Variants in POU2F1 observed in about 807,000 individuals in gnomAD.
POU2F1 encodes the protein POU domain, class 2, transcription factor 1.
POU2F1 carries 16 observed loss-of-function variants against 84.9 expected under a neutral mutation model. The observed-to-expected ratio is 0.19, with a 90% CI of 0.13 to 0.29. The LOEUF (loss-of-function observed/expected upper bound fraction) is 0.29, where lower values mean the gene tolerates loss of function less well. Among genes scored for constraint, POU2F1 ranks in the 10% least tolerant of loss-of-function variants. The probability of loss-of-function intolerance (pLI) is 1.00; values close to 1 mark genes in which losing one functional copy is unlikely to be tolerated. For missense variants in POU2F1, 738 were observed against 942.6 expected (o/e 0.78, Z 2.84); for synonymous variants, 368 against 368.3 (o/e 1.00, Z 0.01).
intron 1 of POU2F1, among the ~76,000 whole-genome samples, chr1:167,275,985 G>A (rs951965371): frequency 5.9e-5 from 9 of 152,146 alleles, no homozygotes; most frequent in South Asian, 2.1e-4. Context: ...AGCAGTTAGC[G>A]ATCTAAGAAC....
At chr1:167,403,434 GAGA>G (rs1159300256) in intron 13 of POU2F1, among the ~76,000 whole-genome samples, 1 of 152,218 alleles carries the variant, frequency 6.6e-6, no homozygotes, top group Non-Finnish European at 1.5e-5. Context: ...CTCCTTGAAA[GAGA>G]AGAAGAGTCA....
intron 1 of POU2F1, among the ~76,000 whole-genome samples, chr1:167,285,476 C>T (rs1198102655): frequency 6.6e-6 from 1 of 152,006 alleles, no homozygotes; most frequent in East Asian, 1.9e-4. Flanking sequence ...CCTGTAGTCC[C>T]AGCTACTTGG....
intron 10 of POU2F1, among the ~76,000 whole-genome samples, chr1:167,397,128 C>T (rs771442085): frequency 6.6e-6 from 1 of 152,220 alleles, no homozygotes; most frequent in Non-Finnish European, 1.5e-5. Flanking sequence ...CACTGGTTTA[C>T]TGTTTCCATC....
chr1:167,386,382 C>G (rs924056524), intron 8 of POU2F1, among the ~76,000 whole-genome samples: 1 of 152,130 alleles, frequency 6.6e-6, no homozygotes. Context: ...GATGGGGTTT[C>G]GCCATGTTGC....
chr1:167,337,876 T>G (rs1027549979), intron 2 of POU2F1: 39 of 317,478 alleles, frequency 1.2e-4, no homozygotes, highest in Admixed American at 4.3e-4. Context: ...AGGAATAGGC[T>G]AACAGTACTG....
At chr1:167,382,473 T>G (rs1647634611) in intron 7 of POU2F1, among the ~76,000 whole-genome samples, 1 of 152,108 alleles carries the variant, frequency 6.6e-6, no homozygotes, top group Admixed American at 6.6e-5. Context: ...TGGTAGAAGT[T>G]GAGATACGAT....
chr1:167,393,199 T>C (rs1648551367), intron 9 of POU2F1, among the ~76,000 whole-genome samples: 1 of 152,174 alleles, frequency 6.6e-6, no homozygotes, highest in Non-Finnish European at 1.5e-5. Context: ...ACTTAAAACA[T>C]TTACTTTTGT....
chr1:167,373,197 A>G (rs901587411), intron 5 of POU2F1, among the ~76,000 whole-genome samples: 1 of 152,220 alleles, frequency 6.6e-6, no homozygotes, highest in African/African-American at 2.4e-5. Flanking sequence ...TTGTGGCACT[A>G]AGTGACTGTA....
Position 167,417,464 on chromosome 1 carries a change from GA to G in POU2F1, c.*1656del, listed in dbSNP as rs1236730180. 6.6e-6 allele frequency: 1 copy of G among 152,228 alleles called. No homozygotes were observed. Among genetic ancestry groups the G allele is most frequent in the Non-Finnish European group, 1.5e-5 (1 of 68,032 alleles). 9.4% of individuals were successfully genotyped at this position (152,228 alleles called of 1,614,324 possible). On this transcript the variant is annotated 3_prime_UTR_variant, in exon 16 of 16. Transcript: ENST00000367866. ...AAAGGAAGAGTTTGTGAAAGTGGATGAAGAGGAATAAGGGTAACTTGGAGAT... is the reference window on the plus strand; with the variant it reads ...AAAGGAAGAGTTTGTGAAAGTGGATGAGAGGAATAAGGGTAACTTGGAGAT...
chr1:167,314,397 G>A (rs147378157), intron 1 of POU2F1, among the ~76,000 whole-genome samples: 1 of 152,332 alleles, frequency 6.6e-6, no homozygotes, highest in African/African-American at 2.4e-5. Flanking sequence ...CCAAATGCTA[G>A]TAGATTTGGA....
At chr1:167,290,946 T>C (rs1424830375) in intron 1 of POU2F1, among the ~76,000 whole-genome samples, 1 of 149,814 alleles carries the variant, frequency 6.7e-6, no homozygotes, top group African/African-American at 2.5e-5. Context: ...CTGGGGAGGC[T>C]AAGGCAGGAG....
At chr1:167,353,303 C>T (rs1571352167) in intron 2 of POU2F1, among the ~76,000 whole-genome samples, 1 of 151,084 alleles carries the variant, frequency 6.6e-6, no homozygotes. Flanking sequence ...GCCTCACCAC[C>T]TCCCTCTTCA....
chr1:167,268,779 C>T (rs1384675793), intron 1 of POU2F1, among the ~76,000 whole-genome samples: 1 of 152,074 alleles, frequency 6.6e-6, no homozygotes, highest in Non-Finnish European at 1.5e-5. Context: ...GTAGTAAAAC[C>T]TCACAAGAAG....
intron 1 of POU2F1, among the ~76,000 whole-genome samples, chr1:167,308,171 A>G (rs1466466471): frequency 6.6e-6 from 1 of 151,610 alleles, no homozygotes; most frequent in Non-Finnish European, 1.5e-5. Context: ...GGTTCAAGCA[A>G]TTCTCCTGTC....
chr1:167,384,021 AT>A (rs35617253), intron 8 of POU2F1, 70 bp downstream of exon 8: 805,156 of 1,144,612 alleles, frequency 0.7, 285,258 homozygotes, highest in East Asian at 0.88. Context: ...ACTTTATTTA[AT>A]TTTTTTTTTA....
intron 2 of POU2F1, among the ~76,000 whole-genome samples, chr1:167,351,900 T>C (rs1360904825): frequency 6.6e-6 from 1 of 152,146 alleles, no homozygotes; most frequent in African/African-American, 2.4e-5. Flanking sequence ...TTAATGTTCA[T>C]AGGATATAGA....
intron 1 of POU2F1, among the ~76,000 whole-genome samples, chr1:167,305,618 A>G (rs1655013989): frequency 6.6e-6 from 1 of 152,238 alleles, no homozygotes. Context: ...AGCCTATGCT[A>G]TTCTAAATGA....
At chr1:167,391,480 G>A (rs1354383112) in intron 9 of POU2F1, among the ~76,000 whole-genome samples, 2 of 150,898 alleles carry the variant, frequency 1.3e-5, no homozygotes, top group African/African-American at 4.9e-5. Context: ...TGGCCTGGTA[G>A]GTCAAAATCC....
rs572166741 is a variant in POU2F1, at chr1:167,418,176, C to G, written c.*2366C>G. 2 of 152,288 alleles carry G rather than the reference C, an allele frequency of 1.3e-5. 1 individual carries two copies. Among genetic ancestry groups the G allele is most frequent in the South Asian group, 4.1e-4 (2 of 4,822 alleles). 9.4% of individuals were successfully genotyped at this position (152,288 alleles called of 1,614,324 possible). ...ACATCGAGGAGATAGATGCTACTGACAATTTCTTTTTCATTTGTCTTTATT... is the reference window on the plus strand; with the variant it reads ...ACATCGAGGAGATAGATGCTACTGAGAATTTCTTTTTCATTTGTCTTTATT... On this transcript the variant is annotated 3_prime_UTR_variant, in exon 16 of 16. Coordinates refer to ENST00000367866, the MANE Select transcript of POU2F1 (RefSeq NM_002697.4).
Sources: allele counts gnomAD v4.1 joint callset (sites outside exome capture counted in the v4.1 genomes callset), GRCh38; gene constraint gnomAD v4.1.1; transcripts MANE v1.5; gene names NCBI Gene and HGNC (gene_info 2026-07-23, HGNC 2026-07-21).